Variants in LUZP2 observed in about 807,000 individuals in gnomAD.
LUZP2 encodes the protein leucine zipper protein 2.
A neutral mutation model predicts 51.6 loss-of-function variants in LUZP2; 52 were observed. That is an observed-to-expected ratio of 1.01 (90% CI 0.81 to 1.27). LUZP2 has a LOEUF of 1.27. Among genes scored for constraint, LUZP2 ranks in the 50% most tolerant of loss-of-function variants. The probability of loss-of-function intolerance (pLI) is 0.00; values close to 1 mark genes in which losing one functional copy is unlikely to be tolerated. For missense variants in LUZP2, 436 were observed against 395.4 expected, an observed-to-expected ratio of 1.10 and a Z score of -0.87; for synonymous variants, 154 against 137.3, an observed-to-expected ratio of 1.12 and a Z score of -0.85.
intron 5 of LUZP2, among the ~76,000 whole-genome samples, chr11:24,872,331 G>C (rs1852105100): frequency 6.6e-6 from 1 of 152,008 alleles, no homozygotes; most frequent in Non-Finnish European, 1.5e-5. Context: ...ACTAATTATG[G>C]GTACTTATAT....
chr11:24,848,734 T>G (rs1177811560), intron 5 of LUZP2, among the ~76,000 whole-genome samples: 1 of 152,334 alleles, frequency 6.6e-6, no homozygotes, highest in East Asian at 1.9e-4. Context: ...GGAAAGGGAA[T>G]GAATGAAAGC....
At chr11:25,022,800 C>G (rs994350770) in intron 9 of LUZP2, among the ~76,000 whole-genome samples, 7 of 152,010 alleles carry the variant, frequency 4.6e-5, no homozygotes, top group African/African-American at 1.7e-4. Context: ...ATAAATAGCT[C>G]TCATTATTTT....
chr11:25,017,351 T>C (rs1857190119), intron 9 of LUZP2, among the ~76,000 whole-genome samples: 2 of 152,160 alleles, frequency 1.3e-5, no homozygotes, highest in African/African-American at 4.8e-5. Flanking sequence ...TACTACAATG[T>C]CCAGAAGAGT....
At chr11:24,889,999 T>A (rs914940825) in intron 5 of LUZP2, among the ~76,000 whole-genome samples, 6 of 152,168 alleles carry the variant, frequency 3.9e-5, no homozygotes, top group Non-Finnish European at 8.8e-5. Flanking sequence ...TTGGACAGAA[T>A]AAACAAAAGG....
chr11:24,840,596 TC>T (rs1850998286), intron 5 of LUZP2, among the ~76,000 whole-genome samples: 1 of 151,914 alleles, frequency 6.6e-6, no homozygotes, highest in South Asian at 2.1e-4. Flanking sequence ...GAGATTCTGA[TC>T]CATAGCTCTA....
rs183474041 is a variant in LUZP2 at position 24,528,883 on chromosome 11, T to C, written c.62+31578T>C. The stretch of plus-strand genomic sequence containing the variant: ...AAAATCCTGAAAGATAGAAGTGTTA[T>C]CTCATATTACTAATATTCTCTTTAT... On this transcript the variant is annotated intron_variant, in intron 1 of 11. Transcript: ENST00000336930. Among the ~76,000 whole-genome samples, 360 of 151,344 alleles carry C rather than the reference T, an allele frequency of 2.4e-3. 1 individual carries two copies. Among genetic ancestry groups the C allele is most frequent in the African/African-American group, 8.4e-3 (348 of 41,444 alleles).
intron 4 of LUZP2, among the ~76,000 whole-genome samples, chr11:24,760,464 G>A: frequency 6.6e-6 from 1 of 152,098 alleles, no homozygotes; most frequent in Non-Finnish European, 1.5e-5. Flanking sequence ...GGACAATGAG[G>A]ACTAGTGTTT....
intron 1 of LUZP2, among the ~76,000 whole-genome samples, chr11:24,680,070 G>C (rs1398013194): frequency 6.6e-6 from 1 of 152,122 alleles, no homozygotes; most frequent in Non-Finnish European, 1.5e-5. Context: ...AATTCATACC[G>C]CTTTACTGGT....
At chr11:24,870,600 G>A (rs2134266024) in intron 5 of LUZP2, among the ~76,000 whole-genome samples, 1 of 152,104 alleles carries the variant, frequency 6.6e-6, no homozygotes, top group South Asian at 2.1e-4. Context: ...TTTAGAGTAA[G>A]GACTTGAGTA....
intron 1 of LUZP2, among the ~76,000 whole-genome samples, chr11:24,537,958 T>G (rs1851232639): frequency 1.3e-5 from 2 of 151,908 alleles, no homozygotes; most frequent in South Asian, 4.1e-4. Flanking sequence ...CTATTTGTGT[T>G]GCTTGTTTTT....
chr11:24,526,306 C>T (rs1850802669), intron 1 of LUZP2, among the ~76,000 whole-genome samples: 1 of 149,740 alleles, frequency 6.7e-6, no homozygotes, highest in East Asian at 2.0e-4. Context: ...ACTTCTGGTA[C>T]TGACAAAGCA....
At chr11:24,536,581 A>G (rs1480048301) in intron 1 of LUZP2, among the ~76,000 whole-genome samples, 2 of 151,836 alleles carry the variant, frequency 1.3e-5, no homozygotes, top group Non-Finnish European at 2.9e-5. Flanking sequence ...CCTTCACAGT[A>G]TTGAAGAGAG....
At chr11:25,039,122 A>C (rs548261578) in intron 9 of LUZP2, among the ~76,000 whole-genome samples, 1 of 152,206 alleles carries the variant, frequency 6.6e-6, no homozygotes, top group East Asian at 1.9e-4. Context: ...GTCACTGGAA[A>C]TGTACTTGCA....
At chr11:25,057,671 C>G (rs760699060) in intron 10 of LUZP2, among the ~76,000 whole-genome samples, 4 of 152,052 alleles carry the variant, frequency 2.6e-5, no homozygotes, top group Non-Finnish European at 4.4e-5. Context: ...ATGTTTCTGA[C>G]TCCTATAAGT....
chr11:24,941,892 T>TA lies in LUZP2; in HGVS notation c.522+27364dup, dbSNP rs925608401. ...CAAGATATATAACTGTGCCATCATT[T>TA]AAAAAAAAAACTGACCATGGAACAA... On this transcript the variant is annotated intron_variant, in intron 7 of 11. Coordinates refer to ENST00000336930, the MANE Select transcript of LUZP2 (RefSeq NM_001009909.4). 5.5e-4 allele frequency among the ~76,000 whole-genome samples: 82 copies of TA among 149,188 alleles called. 2 individuals are homozygous for TA. Among genetic ancestry groups the TA allele is most frequent in the East Asian group, 1.4e-3 (7 of 5,118 alleles).
chr11:24,772,609 T>C (rs1162324468), intron 5 of LUZP2, among the ~76,000 whole-genome samples: 1 of 152,208 alleles, frequency 6.6e-6, no homozygotes, highest in African/African-American at 2.4e-5. Context: ...TGAAGCTCCC[T>C]ATAAACTATC....
intron 9 of LUZP2, among the ~76,000 whole-genome samples, chr11:25,023,759 T>C (rs998430694): frequency 2.6e-5 from 4 of 152,190 alleles, no homozygotes; most frequent in African/African-American, 7.2e-5. Flanking sequence ...CTGCTTTCTC[T>C]TGTGGGCATT....
chr11:24,662,308 T>C (rs4531473), intron 1 of LUZP2, among the ~76,000 whole-genome samples: 60,929 of 151,840 alleles, frequency 0.4, 12,465 homozygotes, highest in East Asian at 0.56. Context: ...TTGTAGACCA[T>C]GAAAATTTCT....
At chr11:24,838,822 A>T (rs183485380) in intron 5 of LUZP2, among the ~76,000 whole-genome samples, 50 of 151,794 alleles carry the variant, frequency 3.3e-4, no homozygotes, top group African/African-American at 1.2e-3. Context: ...CTCTCCTTGA[A>T]AAAATATGTA....
Sources: gnomAD v4.1 joint callset for allele counts (sites outside exome capture counted in the v4.1 genomes callset) on GRCh38, gnomAD v4.1.1 for gene constraint, MANE v1.5 for transcripts, NCBI Gene and HGNC (gene_info 2026-07-23, HGNC 2026-07-21) for gene names.